The following NBEA variants were observed in gnomAD, a reference collection of about 807,000 sequenced individuals.
NBEA encodes the protein lysosomal-trafficking regulator 2.
A neutral mutation model predicts 343.4 loss-of-function variants in NBEA; 44 were observed. The observed-to-expected ratio is 0.13, with a 90% confidence interval of 0.10 to 0.16. NBEA has a LOEUF of 0.16. Among genes scored for constraint, NBEA ranks in the 10% least tolerant of loss-of-function variants. The probability of loss-of-function intolerance (pLI) is 1.00; values close to 1 mark genes in which losing one functional copy is unlikely to be tolerated. For synonymous variants in NBEA, 1,175 were observed against 1,238.7 expected (o/e 0.95, Z 1.08); for missense variants, 2,555 against 3,631.3 (o/e 0.70, Z 7.62).
At chr13:35,190,480 G>A (rs2072102474) in intron 30 of NBEA, among the ~76,000 whole-genome samples, 1 of 152,082 alleles carries the variant, frequency 6.6e-6, no homozygotes, top group Non-Finnish European at 1.5e-5. Flanking sequence ...CACACACAGA[G>A]CCTGTGGCAA....
chr13:35,257,775 G>A (rs531236550), intron 34 of NBEA, among the ~76,000 whole-genome samples: 1 of 152,228 alleles, frequency 6.6e-6, no homozygotes, highest in Non-Finnish European at 1.5e-5. Flanking sequence ...ATTTGTCCCT[G>A]TGCAAACAAA....
chr13:35,414,806 A>G (rs527627662), intron 38 of NBEA, among the ~76,000 whole-genome samples: 19 of 152,310 alleles, frequency 1.2e-4, no homozygotes, highest in African/African-American at 4.6e-4. Flanking sequence ...GAATCGCCAC[A>G]CTGTCTTCCA....
At chr13:35,181,305 C>G (rs868677366) in intron 28 of NBEA, among the ~76,000 whole-genome samples, 3 of 151,754 alleles carry the variant, frequency 2.0e-5, no homozygotes, top group African/African-American at 4.8e-5. Context: ...GAAGTGTTTC[C>G]TTTTCACCCC....
intron 41 of NBEA, among the ~76,000 whole-genome samples, chr13:35,507,749 A>G (rs890110163): frequency 1.3e-5 from 2 of 152,184 alleles, no homozygotes. Context: ...CATGTAGATA[A>G]GCCTCTTCTG....
At chr13:35,189,043 T>C (rs1593670945) in intron 30 of NBEA, among the ~76,000 whole-genome samples, 1 of 151,310 alleles carries the variant, frequency 6.6e-6, no homozygotes. Context: ...CTCAGCTTCC[T>C]GAGTAGCTTG....
At chr13:35,514,940 G>A (rs1032897053) in intron 41 of NBEA, among the ~76,000 whole-genome samples, 4 of 152,138 alleles carry the variant, frequency 2.6e-5, no homozygotes, top group African/African-American at 9.7e-5. Context: ...TGTGCTTTTG[G>A]CAATGACAGA....
intron 38 of NBEA, among the ~76,000 whole-genome samples, chr13:35,366,291 T>G (rs750035909): frequency 2.3e-4 from 35 of 151,466 alleles, no homozygotes; most frequent in Non-Finnish European, 4.0e-4. Flanking sequence ...TAAGCAGTAT[T>G]ACAGAAACAT....
At chr13:35,515,686 A>G (rs953574864) in intron 41 of NBEA, among the ~76,000 whole-genome samples, 6 of 152,058 alleles carry the variant, frequency 3.9e-5, no homozygotes, top group Non-Finnish European at 5.9e-5. Flanking sequence ...AAAAGGCAAT[A>G]TATTTTATAA....
chr13:35,258,883 C>T (rs7329901), intron 34 of NBEA, among the ~76,000 whole-genome samples: 32,139 of 151,974 alleles, frequency 0.21, 3,816 homozygotes, highest in African/African-American at 0.32. Flanking sequence ...AACATGTTAC[C>T]ATAAAGTAGG....
At chr13:35,356,802 C>T (rs563769137) in intron 38 of NBEA, among the ~76,000 whole-genome samples, 48 of 152,256 alleles carry the variant, frequency 3.2e-4, no homozygotes, top group African/African-American at 1.2e-3. Flanking sequence ...GTTTTGTATA[C>T]AGGCCAAGCA....
intron 10 of NBEA, among the ~76,000 whole-genome samples, chr13:35,095,215 A>G (rs2065271895): frequency 6.6e-6 from 1 of 151,668 alleles, no homozygotes; most frequent in Admixed American, 6.6e-5. Context: ...TACATGAGTT[A>G]TCTACATTAG....
At chr13:35,660,912 A>G (rs1264997275) in intron 55 of NBEA, among the ~76,000 whole-genome samples, 1 of 152,190 alleles carries the variant, frequency 6.6e-6, no homozygotes, top group Non-Finnish European at 1.5e-5. Context: ...TCCATATGCA[A>G]TAGTTCTCAC....
intron 46 of NBEA, among the ~76,000 whole-genome samples, chr13:35,584,523 A>G (rs564400938): frequency 2.1e-3 from 306 of 148,950 alleles, no homozygotes; most frequent in African/African-American, 7.4e-3. Context: ...TTTTTGAGAC[A>G]GAGTCTCGCT....
At chr13:35,247,881 A>G (rs981950783) in intron 34 of NBEA, among the ~76,000 whole-genome samples, 4 of 151,450 alleles carry the variant, frequency 2.6e-5, no homozygotes, top group South Asian at 2.1e-4. Context: ...TGATTTAGGG[A>G]AAAAAAAAGA....
chr13:35,158,420 A>G (rs2069329676), intron 21 of NBEA, among the ~76,000 whole-genome samples: 1 of 152,098 alleles, frequency 6.6e-6, no homozygotes, highest in Admixed American at 6.6e-5. Flanking sequence ...AATAGCAAAG[A>G]AAAAGACATT....
intron 34 of NBEA, among the ~76,000 whole-genome samples, chr13:35,247,563 T>G (rs928556897): frequency 6.6e-6 from 1 of 152,086 alleles, no homozygotes; most frequent in African/African-American, 2.4e-5. Flanking sequence ...CGTTCCCCAG[T>G]GAGGGTGTGC....
intron 38 of NBEA, among the ~76,000 whole-genome samples, chr13:35,393,571 G>C (rs2042605125): frequency 6.6e-6 from 1 of 151,924 alleles, no homozygotes; most frequent in Admixed American, 6.6e-5. Context: ...TTTAAATTTA[G>C]AGTCCTTTTT....
chr13:35,429,746 A>G (rs1594609413), intron 38 of NBEA, among the ~76,000 whole-genome samples: 1 of 148,936 alleles, frequency 6.7e-6, no homozygotes, highest in Non-Finnish European at 1.5e-5. Context: ...CCTATACCCA[A>G]TGTGTAGTCT....
intron 34 of NBEA, among the ~76,000 whole-genome samples, chr13:35,273,896 C>T (rs1393404661): frequency 1.3e-5 from 2 of 152,044 alleles, no homozygotes; most frequent in Non-Finnish European, 2.9e-5. Flanking sequence ...AAAAAAAAGT[C>T]CAGGACCAGA....
Sources: allele counts gnomAD v4.1 joint callset (sites outside exome capture counted in the v4.1 genomes callset), GRCh38; gene constraint gnomAD v4.1.1; transcripts MANE v1.5; gene names NCBI Gene and HGNC (gene_info 2026-07-23, HGNC 2026-07-21).